The following STEEP1 variants were observed in gnomAD, a reference collection of about 807,000 sequenced individuals.
STEEP1 encodes the protein STING ER exit protein.
In STEEP1, 3 loss-of-function variants were observed where a neutral mutation model predicts 19.2. The observed-to-expected ratio is 0.16, with a 90% CI of 0.07 to 0.40. STEEP1 has a LOEUF of 0.40. Ranked by LOEUF, STEEP1 falls within the 10% of genes least tolerant of loss-of-function variation. STEEP1 has a pLI of 0.99. For synonymous variants in STEEP1, 46 were observed against 63.7 expected (o/e 0.72, Z 1.32); for missense variants, 54 against 177.1 (o/e 0.30, Z 3.94).
Position 119,545,522 on chromosome X carries a change from G to T in STEEP1, c.243-18C>A, listed in dbSNP as rs907170780. ...CTTCAGGTCTGCACAGAAAATGGAA[G>T]TTAAAAAGATATGAACAAATCTCAT... On this transcript the variant is annotated intron_variant, in intron 2 of 6. Coordinates refer to ENST00000644802, the MANE Select transcript of STEEP1 (RefSeq NM_022101.4). The T allele has an allele frequency of 1.8e-6, 2 of 1,110,763 alleles. No individual in the cohort carries two copies. The highest frequency in any genetic ancestry group is 1.8e-5 in the African/African-American group (1 of 55,427). 91.5% of individuals were successfully genotyped at this position (1,110,763 alleles called of 1,213,427 possible).
At chrX:119,563,402 G>A (rs112631728) in intron 1 of STEEP1, among the ~76,000 whole-genome samples, 1 of 110,692 alleles carries the variant, frequency 9.0e-6, no homozygotes, top group African/African-American at 3.3e-5. Context: ...TACAAAATTA[G>A]CCGGGCGTGG....
chrX:119,564,677 G>A (rs188777989), intron 1 of STEEP1, among the ~76,000 whole-genome samples: 1 of 111,655 alleles, frequency 9.0e-6, no homozygotes, highest in South Asian at 3.7e-4. Flanking sequence ...AGCCAAATAC[G>A]GTTAAGATGA....
intron 2 of STEEP1, among the ~76,000 whole-genome samples, chrX:119,550,014 C>T (rs1214121671): frequency 1.8e-5 from 2 of 112,198 alleles, no homozygotes; most frequent in African/African-American, 6.5e-5. Flanking sequence ...AAAAGAAGTG[C>T]AAGAAATGTC....
intron 2 of STEEP1, among the ~76,000 whole-genome samples, chrX:119,557,322 GCA>G (rs1267717355): frequency 1.9e-5 from 2 of 107,931 alleles, no homozygotes; most frequent in Non-Finnish European, 3.8e-5. Context: ...TTCTGGCCGG[GCA>G]CAGTGGCTCA....
At chrX:119,564,120 C>T (rs1045863142) in intron 1 of STEEP1, among the ~76,000 whole-genome samples, 1 of 110,885 alleles carries the variant, frequency 9.0e-6, no homozygotes, top group African/African-American at 3.3e-5. Context: ...GGGGTGGGTA[C>T]AGAGTGAGAA....
At chrX:119,542,055 C>CTTTTTTTTTTTTTTTTTTTTTTT (rs201339708) in intron 5 of STEEP1, among the ~76,000 whole-genome samples, 1 of 82,908 alleles carries the variant, frequency 1.2e-5, no homozygotes, top group African/African-American at 4.9e-5. Flanking sequence ...CTTTTCTTTT[C>CTTTTTTTTTTTTTTTTTTTTTTT]TTTTTTTTTT....
At chrX:119,542,309 G>A (rs1364419816) in intron 5 of STEEP1, among the ~76,000 whole-genome samples, 196 bp downstream of exon 5, 1 of 109,628 alleles carries the variant, frequency 9.1e-6, no homozygotes, top group African/African-American at 3.3e-5. Flanking sequence ...CTTATGATCC[G>A]CCCGTCTCGG....
At chrX:119,540,552 T>C (rs1341018719) in intron 6 of STEEP1, among the ~76,000 whole-genome samples, 1 of 111,742 alleles carries the variant, frequency 8.9e-6, no homozygotes, top group Non-Finnish European at 1.9e-5. Context: ...AAAAAATACA[T>C]AGGCACCATC....
intron 2 of STEEP1, among the ~76,000 whole-genome samples, chrX:119,546,238 C>T (rs189282420): frequency 2.7e-5 from 3 of 109,787 alleles, no homozygotes; most frequent in Admixed American, 9.8e-5. Context: ...GTAAGGAGTT[C>T]GAGACTATCC....
intron 2 of STEEP1, among the ~76,000 whole-genome samples, chrX:119,547,827 A>C (rs1434600353): frequency 1.8e-5 from 2 of 111,746 alleles, no homozygotes; most frequent in African/African-American, 6.5e-5. Flanking sequence ...AAGACATACA[A>C]ATGGCCAACA....
At chrX:119,544,761 C>T (rs1221119633) in intron 3 of STEEP1, among the ~76,000 whole-genome samples, 1 of 110,127 alleles carries the variant, frequency 9.1e-6, no homozygotes, top group African/African-American at 3.3e-5. Flanking sequence ...GCCAACATGG[C>T]AAAACCCCAT....
rs1386867983 is a variant in STEEP1, at chrX:119,538,371, G to A, written c.*1356C>T. 9.2e-6 allele frequency: 1 copy of A among 109,143 alleles called. No homozygotes were observed. The highest frequency in any genetic ancestry group is 1.9e-5 in the Non-Finnish European group (1 of 52,547). 9.0% of individuals were successfully genotyped at this position (109,143 alleles called of 1,213,427 possible). ...TCTCCCTCCCATGTATCCATGCAAGGAAGCAGTATCAGCTGCCCGACTAGA... is the reference window on the plus strand; with the variant it reads ...TCTCCCTCCCATGTATCCATGCAAGAAAGCAGTATCAGCTGCCCGACTAGA... On this transcript the variant is annotated 3_prime_UTR_variant, in exon 7 of 7. Coordinates refer to ENST00000644802, the MANE Select transcript of STEEP1 (RefSeq NM_022101.4).
intron 2 of STEEP1, among the ~76,000 whole-genome samples, chrX:119,547,834 A>G (rs1346978307): frequency 1.8e-5 from 2 of 111,831 alleles, no homozygotes; most frequent in Non-Finnish European, 3.8e-5. Flanking sequence ...ACAAATGGCC[A>G]ACAGGTATAT....
chrX:119,551,788 T>C (rs2053243751), intron 2 of STEEP1, among the ~76,000 whole-genome samples: 1 of 111,068 alleles, frequency 9.0e-6, no homozygotes, highest in Non-Finnish European at 1.9e-5. Flanking sequence ...TGTCCTCCAA[T>C]TCAGTTCTGA....
intron 2 of STEEP1, among the ~76,000 whole-genome samples, chrX:119,548,029 G>C (rs1395999573): frequency 9.1e-6 from 1 of 109,671 alleles, no homozygotes; most frequent in Non-Finnish European, 1.9e-5. Flanking sequence ...AAAATTAGCT[G>C]GGTGTTGTGA....
chrX:119,549,969 C>T (rs1244725556), intron 2 of STEEP1, among the ~76,000 whole-genome samples: 1 of 112,220 alleles, frequency 8.9e-6, no homozygotes, highest in Non-Finnish European at 1.9e-5. Context: ...ATGCCACTCT[C>T]ACTACTTCTA....
At chrX:119,543,396 G>A (rs1043465067) in intron 4 of STEEP1, among the ~76,000 whole-genome samples, 3 of 105,955 alleles carry the variant, frequency 2.8e-5, no homozygotes, top group Admixed American at 2.0e-4. Context: ...CATGTTTGTC[G>A]GGCCGGTCTC....
chrX:119,547,520 C>A (rs1234281116), intron 2 of STEEP1, among the ~76,000 whole-genome samples: 1 of 112,168 alleles, frequency 8.9e-6, no homozygotes, highest in East Asian at 2.8e-4. Context: ...AGTTACACAT[C>A]TTTTCATATA....
chrX:119,558,169 A>T (rs1272110361), intron 2 of STEEP1, among the ~76,000 whole-genome samples: 1 of 111,319 alleles, frequency 9.0e-6, no homozygotes, highest in Non-Finnish European at 1.9e-5. Flanking sequence ...TCAGCCTCTC[A>T]AAGTGTTGGG....
Sources: gnomAD v4.1 joint callset for allele counts (sites outside exome capture counted in the v4.1 genomes callset) on GRCh38, gnomAD v4.1.1 for gene constraint, MANE v1.5 for transcripts, NCBI Gene and HGNC (gene_info 2026-07-23, HGNC 2026-07-21) for gene names.